Variants in SLC25A15 observed in about 807,000 individuals in gnomAD.
SLC25A15 encodes mitochondrial ornithine transporter 1.
SLC25A15 carries 24 observed loss-of-function variants against 32.3 expected under a neutral mutation model. That is an observed-to-expected ratio of 0.74 (90% CI 0.54 to 1.04). The LOEUF is 1.04. Ranked by LOEUF, SLC25A15 falls within the 50% of genes least tolerant of loss-of-function variation. The pLI is 0.00. For missense variants in SLC25A15, 317 were observed against 374.5 expected (o/e 0.85, Z 1.27); for synonymous variants, 132 against 142.1 (o/e 0.93, Z 0.51).
chr13:40,804,970 C>T, intron 3 of SLC25A15, 148 bp from the exon 4 acceptor site: 2 of 886,440 alleles, frequency 2.3e-6, no homozygotes, highest in East Asian at 4.9e-5. Context: ...GTGATCCTCC[C>T]ACCTCAGTCT....
chr13:40,798,896 G>C (rs1881764486), intron 2 of SLC25A15, 161 bp from the exon 3 acceptor site: 1 of 985,338 alleles, frequency 1.0e-6, no homozygotes, highest in Non-Finnish European at 1.2e-6. Context: ...TCAAGGACCT[G>C]CTCTAAATTG....
intron 1 of SLC25A15, among the ~76,000 whole-genome samples, chr13:40,792,420 C>A (rs1168557963): frequency 1.3e-5 from 2 of 152,110 alleles, no homozygotes; most frequent in Admixed American, 6.6e-5. Context: ...TTAGCAAGGC[C>A]CCCAGGCTAC....
At chr13:40,808,870 G>A (rs1593296137) in intron 6 of SLC25A15, among the ~76,000 whole-genome samples, 1 of 148,886 alleles carries the variant, frequency 6.7e-6, no homozygotes, top group East Asian at 2.0e-4. Context: ...GGGAGGCGGA[G>A]CTTGCAGTGA....
rs17061602 is a variant in SLC25A15 at position 40,810,596 on chromosome 13, G to C, written c.*929G>C. 0.078 allele frequency among the ~76,000 whole-genome samples: 11,871 copies of C among 152,210 alleles called. 523 individuals are homozygous for C. The highest frequency in any genetic ancestry group is 0.11 in the Middle Eastern group (31 of 294). ...TAAAAGCTTCAGAGTAGGTATCCTA[G>C]ATTTCCCCAAGATGCTCTACTCTTA... On this transcript the variant is annotated 3_prime_UTR_variant, in exon 7 of 7. Coordinates refer to ENST00000338625, the MANE Select transcript of SLC25A15 (RefSeq NM_014252.4).
intron 2 of SLC25A15, among the ~76,000 whole-genome samples, chr13:40,795,640 T>A (rs570995406): frequency 3.3e-5 from 5 of 151,298 alleles, no homozygotes; most frequent in African/African-American, 1.2e-4. Context: ...AGCCCATTCC[T>A]GGGGGGACAG....
chr13:40,792,097 A>C (rs1381518570), intron 1 of SLC25A15, among the ~76,000 whole-genome samples: 1 of 152,222 alleles, frequency 6.6e-6, no homozygotes, highest in African/African-American at 2.4e-5. Flanking sequence ...TATTTTAGTC[A>C]ACATTTATTA....
chr13:40,795,089 C>T (rs1881626862), intron 2 of SLC25A15, among the ~76,000 whole-genome samples: 1 of 152,188 alleles, frequency 6.6e-6, no homozygotes, highest in African/African-American at 2.4e-5. Context: ...CTCTTGCCCA[C>T]TGCGTGCCTT....
At chr13:40,798,335 T>C (rs1013321987) in intron 2 of SLC25A15, among the ~76,000 whole-genome samples, 2 of 152,114 alleles carry the variant, frequency 1.3e-5, no homozygotes, top group Admixed American at 6.5e-5. Flanking sequence ...TTTAATCTTA[T>C]AGAAGTATAT....
intron 6 of SLC25A15, among the ~76,000 whole-genome samples, chr13:40,808,883 T>G (rs1465534847): frequency 7.4e-6 from 1 of 135,356 alleles, no homozygotes; most frequent in East Asian, 2.1e-4. Flanking sequence ...TGCAGTGAGC[T>G]GAGATTGCAC....
intron 2 of SLC25A15, among the ~76,000 whole-genome samples, chr13:40,794,272 G>A (rs1241872551): frequency 4.6e-5 from 7 of 151,952 alleles, no homozygotes; most frequent in Admixed American, 1.3e-4. Context: ...CCCCGGAGGC[G>A]GAGGTTGTGG....
At chr13:40,799,495 A>G (rs574440648) in intron 3 of SLC25A15, among the ~76,000 whole-genome samples, 180 bp downstream of exon 3, 1 of 151,496 alleles carries the variant, frequency 6.6e-6, no homozygotes, top group East Asian at 1.9e-4. Context: ...CTACAAAAAA[A>G]TAAAAATTAA....
intron 2 of SLC25A15, among the ~76,000 whole-genome samples, chr13:40,794,447 C>T (rs1881609188): frequency 6.6e-6 from 1 of 152,172 alleles, no homozygotes; most frequent in Non-Finnish European, 1.5e-5. Flanking sequence ...TAACCTGAGC[C>T]TAGGGGCCTG....
intron 6 of SLC25A15, among the ~76,000 whole-genome samples, chr13:40,808,844 A>G (rs1303920970): frequency 6.8e-6 from 1 of 146,664 alleles, no homozygotes; most frequent in Non-Finnish European, 1.5e-5. Context: ...CTGAGACAGG[A>G]GAATGGCGTC....
Position 40,799,073 on chromosome 13 carries a change from A to T in SLC25A15, c.72A>T (p.Val24=), listed in dbSNP as rs1392943139. 1.2e-6 allele frequency: 2 copies of T among 1,614,060 alleles called. No individual in the cohort carries two copies. Among genetic ancestry groups the T allele is most frequent in the Non-Finnish European group, 1.7e-6 (2 of 1,180,038 alleles). Residue 24 remains valine (V), a synonymous_variant, in exon 3 of 7, where the codon GTA becomes GTT. Transcript: ENST00000338625. ...TAGAAGGTAC[V]LTGQPFDTMK... Reference sequence around the variant, plus strand: ...TGATTGCAGGAGGTACAGCATGTGTACTGACCGGGCAGCCCTTTGACACAA... The same window carrying T: ...TGATTGCAGGAGGTACAGCATGTGTTCTGACCGGGCAGCCCTTTGACACAA...
At chr13:40,805,373 A>T in intron 4 of SLC25A15, 118 bp downstream of exon 4, 1 of 1,207,728 alleles carries the variant, frequency 8.3e-7, no homozygotes, top group Non-Finnish European at 1.2e-6. Flanking sequence ...ACTCCAAAAT[A>T]TTGTTTCTAG....
chr13:40,790,776 G>A (rs9594430), intron 1 of SLC25A15, among the ~76,000 whole-genome samples: 45,832 of 151,944 alleles, frequency 0.3, 8,798 homozygotes, highest in Middle Eastern at 0.45. Context: ...TAATAGAGAC[G>A]GGGGTTTCTC....
intron 4 of SLC25A15, 52 bp from the exon 5 acceptor site, chr13:40,807,237 GTCTTT>G: frequency 6.5e-7 from 1 of 1,545,882 alleles, no homozygotes; most frequent in Non-Finnish European, 8.9e-7. Flanking sequence ...AAATGCCCTT[GTCTTT>G]TCTTCCTTCC....
rs1280804783 is a variant in SLC25A15, at chr13:40,793,289, C to A, written c.55+8C>A. On this transcript the variant is annotated splice_region_variant and intron_variant, in intron 2 of 6. Transcript: ENST00000338625. ...TCACAGCGGGGGCTGCAGGTACAGT[C>A]ATGTGCCTCATCACCATGTTTCTGT... 2.5e-6 allele frequency: 4 copies of A among 1,610,574 alleles called. No homozygotes were observed. The Admixed American group carries it at 6.7e-5, about 27-fold the overall frequency.
At position 40,811,934 on chromosome 13, in the gene SLC25A15, C is replaced by T. The variant is rs1014911188; in HGVS notation, c.*2267C>T. 6.6e-6 allele frequency among the ~76,000 whole-genome samples: 1 copy of T among 152,210 alleles called. No homozygotes were observed. The highest frequency in any genetic ancestry group is 1.5e-5 in the Non-Finnish European group (1 of 68,042). On this transcript the variant is annotated 3_prime_UTR_variant, in exon 7 of 7. Transcript: ENST00000338625. ...AGGGATATGAGAGGCTGACAAACAT[C>T]AGGGGACATCTGGGGAGGAGATCCC... is the stretch of plus-strand genomic sequence containing the variant.
Sources: allele counts gnomAD v4.1 joint callset (sites outside exome capture counted in the v4.1 genomes callset), GRCh38; gene constraint gnomAD v4.1.1; transcripts MANE v1.5; gene names NCBI Gene and HGNC (gene_info 2026-07-23, HGNC 2026-07-21).